PRKN: variants seen among roughly 807,000 people sequenced by gnomAD.
The protein encoded by PRKN is E3 ubiquitin-protein ligase parkin.
A neutral mutation model predicts 59.5 loss-of-function variants in PRKN; 56 were observed. That is an observed-to-expected ratio of 0.94 (90% CI 0.76 to 1.18). The LOEUF (loss-of-function observed/expected upper bound fraction) is 1.18, where lower values mean the gene tolerates loss of function less well. Among genes scored for constraint, PRKN ranks in the 50% most tolerant of loss-of-function variants. The pLI is 0.00. For missense variants in PRKN, 657 were observed against 596.4 expected, an observed-to-expected ratio of 1.10 and a Z score of -1.06; for synonymous variants, 250 against 222.1, an observed-to-expected ratio of 1.13 and a Z score of -1.12.
intron 9 of PRKN, among the ~76,000 whole-genome samples, chr6:161,433,660 C>G (rs1788750920): frequency 6.6e-6 from 1 of 152,136 alleles, no homozygotes; most frequent in Admixed American, 6.5e-5. Flanking sequence ...TGTGGACCCT[C>G]TGGTGTACAG....
chr6:161,875,180 T>C (rs910822714), intron 6 of PRKN, among the ~76,000 whole-genome samples: 2 of 124,474 alleles, frequency 1.6e-5, no homozygotes, highest in Non-Finnish European at 3.2e-5. Flanking sequence ...ATAAAATATA[T>C]GTGTGTGTGT....
At chr6:162,510,138 AAAC>A (rs1477971220) in intron 1 of PRKN, among the ~76,000 whole-genome samples, 1 of 152,188 alleles carries the variant, frequency 6.6e-6, no homozygotes, top group Non-Finnish European at 1.5e-5. Context: ...GAATCTGCCA[AAAC>A]AACAGTCGGC....
intron 2 of PRKN, among the ~76,000 whole-genome samples, chr6:162,295,745 A>G (rs1295279421): frequency 2.0e-5 from 3 of 152,152 alleles, no homozygotes; most frequent in African/African-American, 7.2e-5. Context: ...TCTAGAGCAA[A>G]GTGGGGCCTT....
At chr6:162,164,199 G>A (rs1191692185) in intron 4 of PRKN, among the ~76,000 whole-genome samples, 2 of 148,790 alleles carry the variant, frequency 1.3e-5, no homozygotes, top group Non-Finnish European at 3.0e-5. Context: ...AGCAAAAAAA[G>A]GTTTTGAGTG....
intron 2 of PRKN, among the ~76,000 whole-genome samples, chr6:162,361,190 G>A (rs1422892923): frequency 1.3e-5 from 2 of 152,078 alleles, no homozygotes; most frequent in African/African-American, 4.8e-5. Flanking sequence ...TTTTACTTCA[G>A]AAGTTCGCTT....
rs150608970 is a variant in PRKN, at chr6:162,724,412, G to A, written c.7+3250C>T. ...TCCTCATGCCAATAAGGGAATCTTC[G>A]GTTTTGAGAAAGTAAAAGGAAGGTA... On this transcript the variant is annotated intron_variant, in intron 1 of 11. Coordinates refer to ENST00000366898, the MANE Select transcript of PRKN (RefSeq NM_004562.3). Among the ~76,000 whole-genome samples the A allele has an allele frequency of 3.3e-3, 498 of 152,168 alleles. 4 individuals are homozygous for A. Among genetic ancestry groups the A allele is most frequent in the African/African-American group, 0.011 (465 of 41,512 alleles).
chr6:162,455,243 G>C (rs1026000200), intron 1 of PRKN, among the ~76,000 whole-genome samples: 1 of 152,086 alleles, frequency 6.6e-6, no homozygotes, highest in Admixed American at 6.6e-5. Context: ...CTGTCCATCT[G>C]CCCATTCATC....
At chr6:162,036,466 G>C (rs1184984356) in intron 5 of PRKN, among the ~76,000 whole-genome samples, 1 of 151,606 alleles carries the variant, frequency 6.6e-6, no homozygotes, top group Non-Finnish European at 1.5e-5. Flanking sequence ...TGCAACCTCT[G>C]CCTCCCAGGT....
intron 2 of PRKN, among the ~76,000 whole-genome samples, chr6:162,354,837 A>G (rs1405800111): frequency 1.3e-5 from 2 of 151,986 alleles, no homozygotes; most frequent in East Asian, 3.9e-4. Flanking sequence ...TAGCTTTTAT[A>G]TTTTTGAACT....
intron 6 of PRKN, among the ~76,000 whole-genome samples, chr6:161,916,514 A>G (rs1039292608): frequency 6.6e-6 from 1 of 152,214 alleles, no homozygotes; most frequent in Non-Finnish European, 1.5e-5. Context: ...GGAGATGTGA[A>G]CAGAATCAGG....
At chr6:162,521,719 A>G (rs1031698391) in intron 1 of PRKN, among the ~76,000 whole-genome samples, 5 of 152,116 alleles carry the variant, frequency 3.3e-5, no homozygotes, top group African/African-American at 1.2e-4. Context: ...ATGTATTTAT[A>G]GTGTATATTT....
chr6:161,785,670 C>A (rs1408400466), intron 7 of PRKN, 102 bp downstream of exon 7: 2 of 1,115,088 alleles, frequency 1.8e-6, no homozygotes, highest in Non-Finnish European at 2.7e-6. Flanking sequence ...AATTTAAATT[C>A]TTCTGCTAGG....
At chr6:161,993,577 C>T (rs900637243) in intron 5 of PRKN, among the ~76,000 whole-genome samples, 1 of 152,204 alleles carries the variant, frequency 6.6e-6, no homozygotes, top group African/African-American at 2.4e-5. Flanking sequence ...GGAAGAGATT[C>T]TTCCTAATGC....
intron 2 of PRKN, among the ~76,000 whole-genome samples, chr6:162,429,262 C>T (rs4426976): frequency 0.55 from 83,541 of 151,966 alleles, 23,901 homozygotes; most frequent in East Asian, 0.71. Context: ...CCTTTTAGCA[C>T]GTGGCTTTTA....
At chr6:162,489,662 G>C (rs1336408069) in intron 1 of PRKN, among the ~76,000 whole-genome samples, 2 of 152,152 alleles carry the variant, frequency 1.3e-5, no homozygotes, top group Non-Finnish European at 2.9e-5. Flanking sequence ...CAGCAATGCA[G>C]GAATAACTTT....
At chr6:162,018,277 C>T (rs1427892642) in intron 5 of PRKN, among the ~76,000 whole-genome samples, 6 of 152,238 alleles carry the variant, frequency 3.9e-5, no homozygotes, top group African/African-American at 1.4e-4. Context: ...CCACCTGCCT[C>T]GGCCTCCCAA....
chr6:162,235,957 GGAAGAAAGAAAGA>G (rs1778656837), intron 3 of PRKN, among the ~76,000 whole-genome samples: 2 of 87,502 alleles, frequency 2.3e-5, no homozygotes, highest in Non-Finnish European at 4.2e-5. Context: ...AAGGAAGAAA[GGAAGAAAGAAAGA>G]AAGAAAGAAA....
intron 1 of PRKN, among the ~76,000 whole-genome samples, chr6:162,704,378 T>C (rs960156363): frequency 1.2e-4 from 18 of 152,176 alleles, no homozygotes; most frequent in South Asian, 6.2e-4. Flanking sequence ...CCTTAGAAGA[T>C]TGAGCACCAG....
rs78722536 is a variant in PRKN at position 162,283,531 on chromosome 6, A to C, written c.172-20766T>G. 2.0e-4 allele frequency among the ~76,000 whole-genome samples: 30 copies of C among 152,296 alleles called. No homozygotes were observed. The South Asian group carries it at 6.2e-3, about 32-fold the overall frequency. ...TGAAAAAGTAGAGAAGCATAGAGTG[A>C]AAAAATCCTTAGAACAGTCTTGCTC... On this transcript the variant is annotated intron_variant, in intron 2 of 11. Coordinates refer to ENST00000366898, the MANE Select transcript of PRKN (RefSeq NM_004562.3).
Sources: allele counts gnomAD v4.1 joint callset (sites outside exome capture counted in the v4.1 genomes callset), GRCh38; gene constraint gnomAD v4.1.1; transcripts MANE v1.5; gene names NCBI Gene and HGNC (gene_info 2026-07-23, HGNC 2026-07-21).